Variants in ADIPOQ observed in about 807,000 individuals in gnomAD.
The protein encoded by ADIPOQ is adiponectin.
In ADIPOQ, 19 loss-of-function variants were observed where a neutral mutation model predicts 16.1. The observed-to-expected ratio is 1.18, with a 90% CI of 0.82 to 1.73. The LOEUF is 1.73. Among genes scored for constraint, ADIPOQ ranks in the 40% most tolerant of loss-of-function variants. The pLI is 0.00. For missense variants in ADIPOQ, 323 were observed against 308.3 expected (o/e 1.05, Z -0.36); for synonymous variants, 124 against 125.5 (o/e 0.99, Z 0.08).
At position 186,855,000 on chromosome 3, in the gene ADIPOQ, A is replaced by C. The variant is rs1205182343; in HGVS notation, c.*296A>C. On this transcript the variant is annotated 3_prime_UTR_variant, in exon 3 of 3. Transcript: ENST00000320741. ...TGCTCATATCAATCCTATAAGGCAC[A>C]GGGAACAAGCATTCTCCTGTTTTTA... is the stretch of plus-strand genomic sequence containing the variant. 2.3e-6 allele frequency: 1 copy of C among 439,926 alleles called. No homozygotes were observed. Among genetic ancestry groups the C allele is most frequent in the African/African-American group, 2.0e-5 (1 of 50,046 alleles). 27.3% of individuals were successfully genotyped at this position (439,926 alleles called of 1,614,324 possible).
intron 2 of ADIPOQ, 148 bp from the exon 3 acceptor site, chr3:186,854,036 C>T: frequency 1.3e-6 from 1 of 786,588 alleles, no homozygotes; most frequent in African/African-American, 1.8e-5. Flanking sequence ...GAGGTAACAC[C>T]TCTCTCCTTT....
intron 1 of ADIPOQ, among the ~76,000 whole-genome samples, chr3:186,847,233 C>T (rs920558684): frequency 1.3e-5 from 2 of 152,188 alleles, no homozygotes; most frequent in Non-Finnish European, 2.9e-5. Flanking sequence ...GCACCAAGAC[C>T]GTAGAGCCCG....
chr3:186,843,613 T>C (rs537253070), intron 1 of ADIPOQ, among the ~76,000 whole-genome samples: 1 of 150,402 alleles, frequency 6.6e-6, no homozygotes, highest in African/African-American at 2.4e-5. Flanking sequence ...TGAGCCGAGA[T>C]TGTTGCCACT....
rs201816379 is a variant in ADIPOQ, at chr3:186,854,745, A to G, written c.*41A>G. On this transcript the variant is annotated 3_prime_UTR_variant, in exon 3 of 3. Coordinates refer to ENST00000320741, the MANE Select transcript of ADIPOQ (RefSeq NM_004797.4). ...AGCCTCCTCCAGGCCAAACAGCCCC[A>G]AAGTCAATTAAAGGCTTTCAGTACG... The G allele has an allele frequency of 1.9e-6, 3 of 1,605,602 alleles. No homozygotes were observed. The highest frequency in any genetic ancestry group is 2.6e-6 in the Non-Finnish European group (3 of 1,173,482).
rs1407110425 is a variant in ADIPOQ at position 186,854,828 on chromosome 3, T to A, written c.*124T>A. ...CTTTAGATATTATTCATTCATTTAC[T>A]CATTCATTTATTCATTCATTCATCG... On this transcript the variant is annotated 3_prime_UTR_variant, in exon 3 of 3. Transcript: ENST00000320741. 1 of 1,327,324 alleles carries A rather than the reference T, an allele frequency of 7.5e-7. No homozygotes were observed. The highest frequency in any genetic ancestry group is 2.3e-5 in the East Asian group (1 of 43,560). 82.2% of individuals were successfully genotyped at this position (1,327,324 alleles called of 1,614,324 possible). A position where few individuals can be genotyped will look rare whatever the true frequency, so the allele number is the denominator to read the frequency against.
rs2108494372 is a variant in ADIPOQ at position 186,858,202 on chromosome 3, CTT to C, written c.*3500_*3501del. The C allele has an allele frequency of 6.6e-6, 1 of 152,270 alleles. No individual in the cohort carries two copies. The highest frequency in any genetic ancestry group is 1.9e-4 in the East Asian group (1 of 5,186). The allele number at this position is 152,270 out of a possible 1,614,324, so 9.4% of individuals were successfully genotyped here. A position where few individuals can be genotyped will look rare whatever the true frequency, so the allele number is the denominator to read the frequency against. ...CGTCAGGTTGGTTTCAAACTCCTGA[CTT>C]TGTGATCCACCCGCCTCGGCCTCCC... On this transcript the variant is annotated 3_prime_UTR_variant, in exon 3 of 3. Coordinates refer to ENST00000320741, the MANE Select transcript of ADIPOQ (RefSeq NM_004797.4).
rs529727905 is a variant in ADIPOQ at position 186,854,700 on chromosome 3, A to T, written c.731A>T (p.Asn244Ile). ...GGCTTTCTTCTCTACCATGACACCA[A>T]CTGATCACCACTAACTCAGAGCCTC... ...FTGFLLYHDTN is the reference protein window; with the variant it reads ...FTGFLLYHDTI Residue 244 changes from asparagine (N) to isoleucine (I), a missense_variant, in exon 3 of 3, where the codon AAC (asparagine) becomes ATC (isoleucine). Transcript: ENST00000320741. 70 of 1,614,106 alleles carry T rather than the reference A, an allele frequency of 4.3e-5. No individual in the cohort carries two copies. The Admixed American group carries it at 5.5e-4, about 13-fold the overall frequency.
At chr3:186,853,002 T>A in intron 1 of ADIPOQ, 49 bp from the exon 2 acceptor site, 3 of 1,592,844 alleles carry the variant, frequency 1.9e-6, no homozygotes, top group Non-Finnish European at 1.7e-6. Flanking sequence ...ACTGGGTGTG[T>A]GTGTGGGGTC....
intron 1 of ADIPOQ, among the ~76,000 whole-genome samples, chr3:186,848,093 A>G (rs1474291114): frequency 6.6e-6 from 1 of 151,926 alleles, no homozygotes; most frequent in African/African-American, 2.4e-5. Flanking sequence ...GCATCAGTTG[A>G]ACCCAGGAGG....
chr3:186,853,001 G>C lies in ADIPOQ; in HGVS notation c.-8-50G>C. 4 of 1,592,156 alleles carry C rather than the reference G, an allele frequency of 2.5e-6. No individual in the cohort carries two copies. In the South Asian group the frequency reaches 4.4e-5, roughly 18 times the overall value. The stretch of plus-strand genomic sequence containing the variant: ...TCCTTTGTAGGTCCCAACTGGGTGT[G>C]TGTGTGGGGTCTGTCTCTCCATGGC... On this transcript the variant is annotated intron_variant, in intron 1 of 2. Coordinates refer to ENST00000320741, the MANE Select transcript of ADIPOQ (RefSeq NM_004797.4).
intron 1 of ADIPOQ, among the ~76,000 whole-genome samples, chr3:186,845,379 T>TC (rs1711553504): frequency 6.6e-6 from 1 of 152,130 alleles, no homozygotes; most frequent in Non-Finnish European, 1.5e-5. Context: ...TTTTTATTTT[T>TC]ATTTTTTTTG....
rs189632463 is a variant in ADIPOQ at position 186,843,521 on chromosome 3, G to A, written c.-9+772G>A. ...CCAAAAATACAAAAATTAGTTGGGC[G>A]TGATGGCAGGTGCCTGTAATCCCAG... is the stretch of plus-strand genomic sequence containing the variant. On this transcript the variant is annotated intron_variant, in intron 1 of 2. Transcript: ENST00000320741. Among the ~76,000 whole-genome samples the A allele has an allele frequency of 2.4e-4, 36 of 152,074 alleles. No homozygotes were observed. In the East Asian group the frequency reaches 3.7e-3, roughly 16 times the overall value.
chr3:186,853,346 A>G (rs1711860069), intron 2 of ADIPOQ, 74 bp downstream of exon 2: 4 of 1,492,500 alleles, frequency 2.7e-6, no homozygotes, highest in Middle Eastern at 1.9e-4. Flanking sequence ...ATTCATTATT[A>G]ACTAAGGCCT....
Position 186,854,719 on chromosome 3 carries a change from G to A in ADIPOQ, c.*15G>A. ...ACACCAACTGATCACCACTAACTCAGAGCCTCCTCCAGGCCAAACAGCCCC... is the reference window on the plus strand; with the variant it reads ...ACACCAACTGATCACCACTAACTCAAAGCCTCCTCCAGGCCAAACAGCCCC... On this transcript the variant is annotated 3_prime_UTR_variant, in exon 3 of 3. Coordinates refer to ENST00000320741, the MANE Select transcript of ADIPOQ (RefSeq NM_004797.4). 1.2e-6 allele frequency: 2 copies of A among 1,613,834 alleles called. No homozygotes were observed. Among genetic ancestry groups the A allele is most frequent in the Non-Finnish European group, 1.7e-6 (2 of 1,180,016 alleles).
At chr3:186,852,182 C>T (rs12639220) in intron 1 of ADIPOQ, 2 of 152,330 alleles carry the variant, frequency 1.3e-5, no homozygotes, top group African/African-American at 2.4e-5. Context: ...CAACACATGT[C>T]GACGTGCTAT....
chr3:186,844,698 C>G (rs1711533894), intron 1 of ADIPOQ, among the ~76,000 whole-genome samples: 1 of 151,986 alleles, frequency 6.6e-6, no homozygotes, highest in African/African-American at 2.4e-5. Context: ...TGTGTGCAAC[C>G]ATGCCTGGCT....
At position 186,854,907 on chromosome 3, in the gene ADIPOQ, A is replaced by T. The variant is rs199678941; in HGVS notation, c.*203A>T. 8 of 723,208 alleles carry T rather than the reference A, an allele frequency of 1.1e-5. No individual in the cohort carries two copies. In the African/African-American group the frequency reaches 1.4e-4, roughly 13 times the overall value. The allele number at this position is 723,208 out of a possible 1,614,324, so 44.8% of individuals were successfully genotyped here. A position where few individuals can be genotyped will look rare whatever the true frequency, so the allele number is the denominator to read the frequency against. ...TTCCCAGTCCTGGGGAGCTTCACAA[A>T]CATGACCAGATAACTGACTAGAAAG... is the stretch of plus-strand genomic sequence containing the variant. On this transcript the variant is annotated 3_prime_UTR_variant, in exon 3 of 3. Transcript: ENST00000320741.
chr3:186,843,956 G>T (rs1457044118), intron 1 of ADIPOQ, among the ~76,000 whole-genome samples: 2 of 152,132 alleles, frequency 1.3e-5, no homozygotes, highest in Non-Finnish European at 2.9e-5. Flanking sequence ...GGTCTGGAGA[G>T]GTTCTGGTTT....
chr3:186,856,814 C>G lies in ADIPOQ; in HGVS notation c.*2110C>G, dbSNP rs1257114739. On this transcript the variant is annotated 3_prime_UTR_variant, in exon 3 of 3. Transcript: ENST00000320741. The stretch of plus-strand genomic sequence containing the variant: ...TCTGTGTTGTGAATGTCATTCACAA[C>G]AGAAAACCCAAAATATTATGCAAAC... 3 of 151,850 alleles carry G rather than the reference C, an allele frequency of 2.0e-5. No individual in the cohort carries two copies. The highest frequency in any genetic ancestry group is 7.3e-5 in the African/African-American group (3 of 41,312). The allele number at this position is 151,850 out of a possible 1,614,324, so 9.4% of individuals were successfully genotyped here. A position where few individuals can be genotyped will look rare whatever the true frequency, so the allele number is the denominator to read the frequency against.
Sources: allele counts gnomAD v4.1 joint callset (sites outside exome capture counted in the v4.1 genomes callset), GRCh38; gene constraint gnomAD v4.1.1; transcripts MANE v1.5; gene names NCBI Gene and HGNC (gene_info 2026-07-23, HGNC 2026-07-21).